Variants in RNLS observed in about 807,000 individuals in gnomAD.
RNLS encodes renalase.
Under a neutral mutation model 39.8 loss-of-function variants are expected in RNLS, and 39 were observed. The ratio of observed to expected loss-of-function variants is 0.98; its 90% CI spans 0.76 to 1.28. The LOEUF is 1.28. Among genes scored for constraint, RNLS ranks in the 50% most tolerant of loss-of-function variants. The pLI is 0.00. For missense variants in RNLS, 410 were observed against 413.3 expected, an observed-to-expected ratio of 0.99 and a Z score of 0.07; for synonymous variants, 147 against 150.7, an observed-to-expected ratio of 0.98 and a Z score of 0.18.
At chr10:88,277,877 G>A (rs1842869112) in intron 6 of RNLS, among the ~76,000 whole-genome samples, 2 of 152,050 alleles carry the variant, frequency 1.3e-5, no homozygotes, top group African/African-American at 2.4e-5. Flanking sequence ...ATTCCTTTAA[G>A]GTAGTATCCC....
At chr10:88,442,499 C>A (rs2133855027) in intron 4 of RNLS, among the ~76,000 whole-genome samples, 1 of 152,280 alleles carries the variant, frequency 6.6e-6, no homozygotes, top group African/African-American at 2.4e-5. Flanking sequence ...AACTCATTAC[C>A]TATTCTCTCC....
the RNLS span, among the ~76,000 whole-genome samples, chr10:88,232,569 G>A: frequency 2.6e-5 from 4 of 152,096 alleles, no homozygotes; most frequent in South Asian, 2.1e-4. Context: ...GCATGGCACC[G>A]TGCCCAGCTT....
rs1246917033 is a variant in RNLS at position 88,352,391 on chromosome 10, TGA to T, written c.700+10159_700+10160del. The stretch of plus-strand genomic sequence containing the variant: ...TACATCCCATCAATACATAATTTAT[TGA>T]GAGTTTTTAGCATGAAGGGTTGTTG... On this transcript the variant is annotated intron_variant, in intron 5 of 6. Coordinates refer to ENST00000331772, the MANE Select transcript of RNLS (RefSeq NM_001031709.3). Among the ~76,000 whole-genome samples, 19 of 152,318 alleles carry T rather than the reference TGA, an allele frequency of 1.2e-4. No individual in the cohort carries two copies. In the East Asian group the frequency reaches 3.5e-3, roughly 28 times the overall value.
the RNLS span, among the ~76,000 whole-genome samples, chr10:88,215,626 G>T: frequency 1.3e-5 from 2 of 150,266 alleles, no homozygotes; most frequent in African/African-American, 4.9e-5. Context: ...CAGATTGCAT[G>T]TTGCTGCTCC....
the RNLS span, among the ~76,000 whole-genome samples, chr10:88,257,057 T>A: frequency 1.3e-5 from 2 of 149,416 alleles, no homozygotes; most frequent in Non-Finnish European, 3.0e-5. Context: ...AAAAAAAAAA[T>A]GTTTGATGTC....
At chr10:88,244,512 T>G in the RNLS span, among the ~76,000 whole-genome samples, 1 of 152,244 alleles carries the variant, frequency 6.6e-6, no homozygotes, top group Non-Finnish European at 1.5e-5. Context: ...GTTTTTGGAC[T>G]GCTTTGCTGT....
intron 5 of RNLS, among the ~76,000 whole-genome samples, chr10:88,317,332 A>G (rs1257083101): frequency 6.6e-6 from 1 of 152,232 alleles, no homozygotes; most frequent in African/African-American, 2.4e-5. Flanking sequence ...TGAGGATTAA[A>G]TGAATTACTC....
At chr10:88,572,879 G>A (rs1183627152) in intron 4 of RNLS, 24 bp downstream of exon 4, 2 of 1,608,760 alleles carry the variant, frequency 1.2e-6, no homozygotes, top group East Asian at 2.2e-5. Flanking sequence ...CCCTGAGGCA[G>A]GTAAATGGCA....
intron 4 of RNLS, among the ~76,000 whole-genome samples, chr10:88,433,847 C>A (rs1780985656): frequency 6.6e-6 from 1 of 152,064 alleles, no homozygotes; most frequent in Admixed American, 6.6e-5. Context: ...GTGCTGAAAT[C>A]AAAATAATGT....
At chr10:88,463,505 G>C (rs1339176950) in intron 4 of RNLS, among the ~76,000 whole-genome samples, 2 of 151,950 alleles carry the variant, frequency 1.3e-5, no homozygotes, top group African/African-American at 4.8e-5. Context: ...CCAGTCTGTG[G>C]TACTTTGTTA....
chr10:88,375,749 T>C (rs1850942872), intron 4 of RNLS, among the ~76,000 whole-genome samples: 1 of 152,188 alleles, frequency 6.6e-6, no homozygotes, highest in African/African-American at 2.4e-5. Flanking sequence ...TTCAGTCTGC[T>C]AGGTTCTTTG....
intron 4 of RNLS, among the ~76,000 whole-genome samples, chr10:88,444,212 G>A (rs1841906325): frequency 6.6e-6 from 1 of 152,204 alleles, no homozygotes; most frequent in Non-Finnish European, 1.5e-5. Flanking sequence ...GGCAAACAGG[G>A]TCTGGAGTGG....
intron 4 of RNLS, among the ~76,000 whole-genome samples, chr10:88,375,323 G>C (rs1398038170): frequency 1.3e-5 from 2 of 152,184 alleles, no homozygotes; most frequent in East Asian, 3.9e-4. Flanking sequence ...ATGTCATAAA[G>C]GACTATGAAC....
chr10:88,512,198 T>C (rs1026944088), intron 4 of RNLS, among the ~76,000 whole-genome samples: 1 of 152,180 alleles, frequency 6.6e-6, no homozygotes, highest in African/African-American at 2.4e-5. Flanking sequence ...GCCAGCTATT[T>C]GTATTACTTT....
chr10:88,453,465 CTT>C (rs1842463765), intron 4 of RNLS, among the ~76,000 whole-genome samples: 2 of 152,166 alleles, frequency 1.3e-5, no homozygotes, highest in Admixed American at 1.3e-4. Flanking sequence ...TCATCAGAGA[CTT>C]TGTTGTGATT....
chr10:88,314,405 A>G, intron 6 of RNLS, 61 bp downstream of exon 6: 4 of 1,536,592 alleles, frequency 2.6e-6, no homozygotes, highest in Non-Finnish European at 3.6e-6. Flanking sequence ...AAGAAGTAAC[A>G]TCAGTTCTGT....
chr10:88,279,359 TTTCTC>T (rs1842927611), downstream of RNLS, among the ~76,000 whole-genome samples: 1 of 152,154 alleles, frequency 6.6e-6, no homozygotes, highest in Non-Finnish European at 1.5e-5. Flanking sequence ...TATGGAGTGT[TTTCTC>T]TACGCAGGAC....
intron 6 of RNLS, among the ~76,000 whole-genome samples, chr10:88,303,841 C>T (rs1393197356): frequency 6.6e-6 from 1 of 152,198 alleles, no homozygotes; most frequent in Non-Finnish European, 1.5e-5. Context: ...CAGCACCCTG[C>T]CCCCAGGCCA....
At chr10:88,453,377 G>A (rs963932297) in intron 4 of RNLS, among the ~76,000 whole-genome samples, 1 of 152,206 alleles carries the variant, frequency 6.6e-6, no homozygotes, top group Non-Finnish European at 1.5e-5. Context: ...GGTGATAGAA[G>A]GGTCTAAAGG....
Sources: gnomAD v4.1 joint callset for allele counts (sites outside exome capture counted in the v4.1 genomes callset) on GRCh38, gnomAD v4.1.1 for gene constraint, MANE v1.5 for transcripts, NCBI Gene and HGNC (gene_info 2026-07-23, HGNC 2026-07-21) for gene names.